The following FZD3 variants were observed in gnomAD, a reference collection of about 807,000 sequenced individuals.
FZD3 encodes the protein frizzled class receptor 3, also known as frizzled-3.
A neutral mutation model predicts 60.7 loss-of-function variants in FZD3; 30 were observed. That is an observed-to-expected ratio of 0.49 (90% confidence interval 0.37 to 0.67). FZD3 has a LOEUF of 0.67. FZD3 is among the 30% of genes least tolerant of loss of function. FZD3 has a pLI of 0.00. For synonymous variants in FZD3, 246 were observed against 275.2 expected, an observed-to-expected ratio of 0.89 and a Z score of 1.05; for missense variants, 605 against 838.7, an observed-to-expected ratio of 0.72 and a Z score of 3.44.
intron 5 of FZD3, among the ~76,000 whole-genome samples, chr8:28,535,318 C>T (rs1159968029): frequency 6.6e-6 from 1 of 152,088 alleles, no homozygotes; most frequent in Non-Finnish European, 1.5e-5. Context: ...TCCCATATGC[C>T]TTGTACCAGT....
At chr8:28,531,421 G>T (rs946597928) in intron 5 of FZD3, among the ~76,000 whole-genome samples, 1 of 152,080 alleles carries the variant, frequency 6.6e-6, no homozygotes, top group Non-Finnish European at 1.5e-5. Flanking sequence ...GAATTATATA[G>T]TTGTTTCTAA....
At chr8:28,542,428 G>A (rs899506979) in intron 5 of FZD3, among the ~76,000 whole-genome samples, 2 of 152,008 alleles carry the variant, frequency 1.3e-5, no homozygotes, top group Non-Finnish European at 2.9e-5. Context: ...ACCTGAGGTA[G>A]GGAGTTCGAG....
At chr8:28,511,447 T>A (rs1259410452) in intron 3 of FZD3, among the ~76,000 whole-genome samples, 2 of 152,212 alleles carry the variant, frequency 1.3e-5, no homozygotes, top group Non-Finnish European at 2.9e-5. Flanking sequence ...ATTGCGCCTC[T>A]GTACTCCATC....
rs78998511 is a variant in FZD3, at chr8:28,531,112, T to C, written c.1404+2948T>C. Among the ~76,000 whole-genome samples, 704 of 152,242 alleles carry C rather than the reference T, an allele frequency of 4.6e-3. 24 individuals carry two copies. The East Asian group carries it at 0.089, about 19-fold the overall frequency. On this transcript the variant is annotated intron_variant, in intron 5 of 7. Coordinates refer to ENST00000240093, the MANE Select transcript of FZD3 (RefSeq NM_017412.4). ...AAGATACAGTTGATACCTCCTCTGTTCCTTTCCATATTTCCATTCCTCTTC... is the reference window on the plus strand; with the variant it reads ...AAGATACAGTTGATACCTCCTCTGTCCCTTTCCATATTTCCATTCCTCTTC...
chr8:28,512,846 AAG>A (rs1332308673), intron 3 of FZD3, among the ~76,000 whole-genome samples: 5 of 152,128 alleles, frequency 3.3e-5, no homozygotes, highest in Non-Finnish European at 5.9e-5. Flanking sequence ...TTTTTATTTT[AAG>A]AGAATAGTAT....
Position 28,566,146 on chromosome 8 carries a change from A to G in FZD3, c.*3135A>G, listed in dbSNP as rs1805701594. 1 of 152,182 alleles carries G rather than the reference A, an allele frequency of 6.6e-6. No individual in the cohort carries two copies. The highest frequency in any genetic ancestry group is 2.1e-4 in the South Asian group (1 of 4,836). The allele number at this position is 152,182 out of a possible 1,614,324, so 9.4% of individuals were successfully genotyped here. Reference sequence around the variant, plus strand: ...TCACACAACTTGCTTTTACCCTAGTACTGAGTCTCACATCAAAGAAATTTG... The same window carrying G: ...TCACACAACTTGCTTTTACCCTAGTGCTGAGTCTCACATCAAAGAAATTTG... On this transcript the variant is annotated 3_prime_UTR_variant, in exon 8 of 8. Transcript: ENST00000240093.
chr8:28,550,681 G>T (rs1585996917), intron 5 of FZD3, among the ~76,000 whole-genome samples: 1 of 151,672 alleles, frequency 6.6e-6, no homozygotes, highest in African/African-American at 2.4e-5. Flanking sequence ...TGGTAGAGAT[G>T]GGGTTTTGCC....
chr8:28,513,719 T>C (rs1409849860), intron 3 of FZD3, among the ~76,000 whole-genome samples: 1 of 152,220 alleles, frequency 6.6e-6, no homozygotes, highest in African/African-American at 2.4e-5. Context: ...TTTTTAAATT[T>C]TCAAGACCAT....
chr8:28,515,607 C>T (rs1032131229), intron 3 of FZD3, among the ~76,000 whole-genome samples: 3 of 152,198 alleles, frequency 2.0e-5, no homozygotes, highest in Non-Finnish European at 2.9e-5. Context: ...GCTCACTTGA[C>T]GCATTCCTTC....
rs111571653 is a variant in FZD3 at position 28,498,655 on chromosome 8, G to A, written c.-390-1278G>A. ...TGCAGTAGTACAGTCTCCACTCACC[G>A]CAACCTCCACCTCTCATGTTGAAGC... is the stretch of plus-strand genomic sequence containing the variant. On this transcript the variant is annotated intron_variant, in intron 1 of 7. Transcript: ENST00000240093. Among the ~76,000 whole-genome samples the A allele has an allele frequency of 2.0e-5, 3 of 152,214 alleles. No homozygotes were observed. The South Asian group carries it at 6.2e-4, about 32-fold the overall frequency.
intron 7 of FZD3, among the ~76,000 whole-genome samples, chr8:28,558,073 G>A (rs940884296): frequency 1.3e-5 from 2 of 152,212 alleles, no homozygotes; most frequent in African/African-American, 4.8e-5. Context: ...AGGTACGTGG[G>A]TATGGCTAGA....
chr8:28,504,180 T>G (rs1804075767), intron 3 of FZD3, among the ~76,000 whole-genome samples: 1 of 152,188 alleles, frequency 6.6e-6, no homozygotes, highest in African/African-American at 2.4e-5. Context: ...ATTTGTAAGA[T>G]TATTATTCAT....
chr8:28,557,335 T>A (rs17517918), intron 7 of FZD3, among the ~76,000 whole-genome samples: 67,495 of 151,722 alleles, frequency 0.44, 17,186 homozygotes, highest in Non-Finnish European at 0.54. Context: ...TTTGGGAAAC[T>A]GAAAGAATGA....
At position 28,527,036 on chromosome 8, in the gene FZD3, C is replaced by A; in HGVS notation, c.387-111C>A. On this transcript the variant is annotated intron_variant, in intron 4 of 7. Coordinates refer to ENST00000240093, the MANE Select transcript of FZD3 (RefSeq NM_017412.4). This position sits in a 1 kb window ranked among gnomAD's most constrained non-coding sequence, Gnocchi z 5.0. ...ACTTTATTTCTACATATTACATTTG[C>A]TCTCCAGGAATAAATAAGGTTGTGA... 1.2e-6 allele frequency: 1 copy of A among 854,848 alleles called. No individual in the cohort carries two copies. The highest frequency in any genetic ancestry group is 3.6e-4 in the Middle Eastern group (1 of 2,766). 53.0% of individuals were successfully genotyped at this position (854,848 alleles called of 1,614,324 possible).
chr8:28,552,273 A>T (rs893147477), intron 6 of FZD3, among the ~76,000 whole-genome samples: 2 of 152,242 alleles, frequency 1.3e-5, no homozygotes, highest in African/African-American at 4.8e-5. Flanking sequence ...CTCTTATTCC[A>T]TTCTAATATA....
chr8:28,562,242 T>C (rs796379570), intron 7 of FZD3, among the ~76,000 whole-genome samples: 14 of 152,352 alleles, frequency 9.2e-5, no homozygotes, highest in African/African-American at 3.1e-4. Flanking sequence ...AATTCAGTTG[T>C]TAACTGGGCT....
chr8:28,556,045 CA>C, intron 7 of FZD3, 74 bp downstream of exon 7: 2 of 956,542 alleles, frequency 2.1e-6, no homozygotes, highest in Non-Finnish European at 3.3e-6. Context: ...GAGGAGCAGC[CA>C]ATTCTGAAAT....
chr8:28,530,103 G>C (rs1287683307), intron 5 of FZD3, among the ~76,000 whole-genome samples: 111 of 57,890 alleles, frequency 1.9e-3, no homozygotes, highest in Middle Eastern at 9.6e-3. Flanking sequence ...GTGTGTGTGT[G>C]TGTGTGTGTG....
chr8:28,573,534 T>C lies in FZD3; in HGVS notation c.*10523T>C, dbSNP rs1458039831. The C allele has an allele frequency of 6.6e-6, 1 of 151,564 alleles. No homozygotes were observed. The highest frequency in any genetic ancestry group is 1.5e-5 in the Non-Finnish European group (1 of 67,922). 9.4% of individuals were successfully genotyped at this position (151,564 alleles called of 1,614,324 possible). On this transcript the variant is annotated 3_prime_UTR_variant, in exon 8 of 8. Transcript: ENST00000240093. ...AAAGGGAGCTAGTCATTTGTATTTATGGGCCTTATGAAGTCAGGGCCTGCT... is the reference window on the plus strand; with the variant it reads ...AAAGGGAGCTAGTCATTTGTATTTACGGGCCTTATGAAGTCAGGGCCTGCT...
Sources: gnomAD v4.1 joint callset for allele counts (sites outside exome capture counted in the v4.1 genomes callset) on GRCh38, gnomAD v4.1.1 for gene constraint, Gnocchi (gnomAD v3.1) non-coding constraint, MANE v1.5 for transcripts, NCBI Gene and HGNC (gene_info 2026-07-23, HGNC 2026-07-21) for gene names.